NRROS: variants seen among roughly 807,000 people sequenced by gnomAD.
The protein encoded by NRROS is negative regulator of reactive oxygen species.
In NRROS, 6 loss-of-function variants were observed where a neutral mutation model predicts 12.0. That is an observed-to-expected ratio of 0.50 (90% CI 0.27 to 0.98). The LOEUF (loss-of-function observed/expected upper bound fraction) is 0.98. NRROS is among the 50% of genes least tolerant of loss of function. NRROS has a pLI of 0.11. For synonymous variants in NRROS, 462 were observed against 410.2 expected, an observed-to-expected ratio of 1.13 and a Z score of -1.53; for missense variants, 857 against 888.2, an observed-to-expected ratio of 0.96 and a Z score of 0.45.
At chr3:196,648,702 G>A (rs1170863211) in intron 1 of NRROS, among the ~76,000 whole-genome samples, 2 of 136,468 alleles carry the variant, frequency 1.5e-5, no homozygotes. Flanking sequence ...GGAGGCGGAG[G>A]TTGCAATGAG....
At position 196,654,994 on chromosome 3, in the gene NRROS, T is replaced by C. The variant is rs1737508528; in HGVS notation, c.108+347T>C. On this transcript the variant is annotated intron_variant, in intron 2 of 2. Coordinates refer to ENST00000328557, the MANE Select transcript of NRROS (RefSeq NM_198565.3). This position sits in a 1 kb window ranked among gnomAD's most constrained non-coding sequence, Gnocchi z 4.4. ...GCTCAGGCCTGTAATCCCAGCACTT[T>C]AGGAGGCCGAGGCAGGCAGATCACT... The C allele has an allele frequency of 4.8e-6, 1 of 209,396 alleles. No individual in the cohort carries two copies. The highest frequency in any genetic ancestry group is 5.2e-5 in the Admixed American group (1 of 19,048). 13.0% of individuals were successfully genotyped at this position (209,396 alleles called of 1,614,324 possible). A position where few individuals can be genotyped will look rare whatever the true frequency, so the allele number is the denominator to read the frequency against.
rs776701164 is a variant in NRROS, at chr3:196,659,812, C to T, written c.169C>T (p.Pro57Ser). 17 of 1,613,830 alleles carry T rather than the reference C, an allele frequency of 1.1e-5. No individual in the cohort carries two copies. Among genetic ancestry groups the T allele is most frequent in the Non-Finnish European group, 1.0e-5 (12 of 1,179,928 alleles). ...CGCTTCGGTGCCCAGCAGCCTCCCG[C>T]CCCACGCCCGGATGCTCACCCTGGA... ...SLASVPSSLP[P>S]HARMLTLDAN... The change falls in exon 3 of 3, where the codon CCC (proline) becomes TCC (serine). Residue 57 changes from proline to serine, a missense_variant. Physicochemically the swap from Pro to Ser is moderately conservative, Grantham distance 74. Transcript: ENST00000328557.
rs866581524 is a variant in NRROS at position 196,654,503 on chromosome 3, C to T, written c.-13-24C>T. ...TCTGGGATGTCCTTCTCTGACTTAC[C>T]TCTTCCCTGCTCTCTGTCCACAGGG... On this transcript the variant is annotated intron_variant, in intron 1 of 2. Coordinates refer to ENST00000328557, the MANE Select transcript of NRROS (RefSeq NM_198565.3). The surrounding 1 kb of genome is among the most constrained non-coding windows in gnomAD (Gnocchi z 4.4). The T allele has an allele frequency of 7.2e-7, 1 of 1,387,312 alleles. No individual in the cohort carries two copies. The highest frequency in any genetic ancestry group is 1.8e-4 in the Middle Eastern group (1 of 5,636). The allele number at this position is 1,387,312 out of a possible 1,614,324, so 85.9% of individuals were successfully genotyped here.
Position 196,659,914 on chromosome 3 carries a change from T to C in NRROS, c.271T>C (p.Cys91Arg). Residue 91 changes from cysteine (C) to arginine (R), a missense_variant, in exon 3 of 3, where the codon TGC (cysteine) becomes CGC (arginine). Coordinates refer to ENST00000328557, the MANE Select transcript of NRROS (RefSeq NM_198565.3). ...CCTGGAGAGCCTCAGCCTGCACAGCTGCCACCTGGAGCGCATCAGCCGCGG... is the reference window on the plus strand; with the variant it reads ...CCTGGAGAGCCTCAGCCTGCACAGCCGCCACCTGGAGCGCATCAGCCGCGG... Reference protein sequence around the residue: ...PLLESLSLHSCHLERISRGAF... With the variant: ...PLLESLSLHSRHLERISRGAF... The C allele has an allele frequency of 6.2e-7, 1 of 1,614,120 alleles. No individual in the cohort carries two copies. The highest frequency in any genetic ancestry group is 8.5e-7 in the Non-Finnish European group (1 of 1,180,000).
chr3:196,658,037 G>A (rs918304757), intron 2 of NRROS, among the ~76,000 whole-genome samples: 3 of 152,152 alleles, frequency 2.0e-5, no homozygotes, highest in African/African-American at 7.2e-5. Context: ...TTTCGGTTCC[G>A]TAACCATCCA....
Position 196,659,701 on chromosome 3 carries a change from A to T in NRROS, c.109-51A>T, listed in dbSNP as rs749424258. On this transcript the variant is annotated intron_variant, in intron 2 of 2. Coordinates refer to ENST00000328557, the MANE Select transcript of NRROS (RefSeq NM_198565.3). ...AAGTGAACTAAGTTTCTATGCATAA[A>T]TGCTTGCCTCTGGGCCTCCTCGCTG... is the stretch of plus-strand genomic sequence containing the variant. 2.6e-6 allele frequency: 4 copies of T among 1,551,154 alleles called. 1 individual carries two copies. In the South Asian group the frequency reaches 4.9e-5, roughly 19 times the overall value.
At chr3:196,658,600 GGCAACCACTGCCCTTGTATTACT>G (rs1737585593) in intron 2 of NRROS, among the ~76,000 whole-genome samples, 1 of 152,126 alleles carries the variant, frequency 6.6e-6, no homozygotes, top group South Asian at 2.1e-4. Flanking sequence ...CACAATTGTA[GGCAACCACTGCCCTTGTATTACT>G]GATAAACTTG....
rs1286817357 is a variant in NRROS at position 196,661,396 on chromosome 3, G to A, written c.1753G>A (p.Gly585Ser). Reference protein sequence around the residue: ...QKAVSEQLSRGLRTIYLSQNP... With the variant: ...QKAVSEQLSRSLRTIYLSQNP... Reference sequence around the variant, plus strand: ...GGCTGTGTCTGAGCAGCTCTCGAGAGGTCTGCGGACCATCTACCTCAGTCA... The same window carrying A: ...GGCTGTGTCTGAGCAGCTCTCGAGAAGTCTGCGGACCATCTACCTCAGTCA... Residue 585 changes from glycine to serine, a missense_variant, in exon 3 of 3, where the codon GGT becomes AGT. Gly to Ser is a moderately conservative substitution (Grantham distance 56, BLOSUM62 0). Coordinates refer to ENST00000328557, the MANE Select transcript of NRROS (RefSeq NM_198565.3). The A allele has an allele frequency of 6.4e-7, 1 of 1,571,416 alleles. No homozygotes were observed. Among genetic ancestry groups the A allele is most frequent in the Admixed American group, 1.8e-5 (1 of 56,752 alleles).
intron 1 of NRROS, among the ~76,000 whole-genome samples, chr3:196,652,151 G>A (rs1456582423): frequency 6.6e-6 from 1 of 152,212 alleles, no homozygotes; most frequent in Non-Finnish European, 1.5e-5. Context: ...TGAATGCAGA[G>A]TTTTTAATTG....
intron 1 of NRROS, among the ~76,000 whole-genome samples, chr3:196,653,229 C>T (rs1737466051): frequency 6.6e-6 from 1 of 152,154 alleles, no homozygotes; most frequent in African/African-American, 2.4e-5. Context: ...CTGGTAAATT[C>T]TGCATTGGAG....
chr3:196,661,111 T>G lies in NRROS; in HGVS notation c.1468T>G (p.Leu490Val). Residue 490 changes from leucine (L) to valine (V), a missense_variant, in exon 3 of 3, where the codon TTA (leucine) becomes GTA (valine). By Grantham distance (32) the Leu-to-Val change is conservative (BLOSUM62 1). Transcript: ENST00000328557. ...CPFQGTSLTYLDLSSNWGVLN... is the reference protein window; with the variant it reads ...CPFQGTSLTYVDLSSNWGVLN... ...ATTCCAAGGGACCTCCCTGACCTAC[T>G]TAGACCTCTCAAGCAACTGGGGGGT... 1 of 1,613,910 alleles carries G rather than the reference T, an allele frequency of 6.2e-7. No individual in the cohort carries two copies. Among genetic ancestry groups the G allele is most frequent in the Non-Finnish European group, 8.5e-7 (1 of 1,179,832 alleles).
chr3:196,658,831 G>T (rs7645195), intron 2 of NRROS, among the ~76,000 whole-genome samples: 6 of 152,148 alleles, frequency 3.9e-5, no homozygotes, highest in East Asian at 1.9e-4. Context: ...TTAGCTGGGC[G>T]TGGTGGCATG....
At chr3:196,655,333 G>A (rs1445661910) in intron 2 of NRROS, among the ~76,000 whole-genome samples, 8 of 151,746 alleles carry the variant, frequency 5.3e-5, no homozygotes, top group African/African-American at 7.3e-5. Flanking sequence ...TCAGGAGTTC[G>A]AGACTAGCCT....
intron 1 of NRROS, among the ~76,000 whole-genome samples, chr3:196,647,756 A>G (rs1737339735): frequency 6.6e-6 from 1 of 152,084 alleles, no homozygotes; most frequent in Non-Finnish European, 1.5e-5. Flanking sequence ...ACGGGGTTTC[A>G]CCATGTTGGT....
At position 196,661,104 on chromosome 3, in the gene NRROS, G is replaced by T; in HGVS notation, c.1461G>T (p.Leu487=). 1.2e-6 allele frequency: 2 copies of T among 1,613,860 alleles called. No homozygotes were observed. Among genetic ancestry groups the T allele is most frequent in the Non-Finnish European group, 1.7e-6 (2 of 1,179,790 alleles). Residue 487 remains leucine (L), a synonymous_variant, in exon 3 of 3, where the codon CTG becomes CTT. Transcript: ENST00000328557. Reference sequence around the variant, plus strand: ...ACTGCCCATTCCAAGGGACCTCCCTGACCTACTTAGACCTCTCAAGCAACT... The same window carrying T: ...ACTGCCCATTCCAAGGGACCTCCCTTACCTACTTAGACCTCTCAAGCAACT... ...LPDCPFQGTS[L]TYLDLSSNWG...
chr3:196,652,366 G>C (rs1174517335), intron 1 of NRROS, among the ~76,000 whole-genome samples: 1 of 152,186 alleles, frequency 6.6e-6, no homozygotes, highest in African/African-American at 2.4e-5. Flanking sequence ...TTACAGCCAT[G>C]AAGCCCTTTC....
rs1281957424 is a variant in NRROS, at chr3:196,660,015, G to A, written c.372G>A (p.Thr124=). 3 of 1,613,298 alleles carry A rather than the reference G, an allele frequency of 1.9e-6. No individual in the cohort carries two copies. Among genetic ancestry groups the A allele is most frequent in the Non-Finnish European group, 2.5e-6 (3 of 1,179,926 alleles). Residue 124 remains threonine (T), a synonymous_variant, in exon 3 of 3, where the codon ACG becomes ACA. Coordinates refer to ENST00000328557, the MANE Select transcript of NRROS (RefSeq NM_198565.3). The surrounding 1 kb of genome is among the most constrained non-coding windows in gnomAD (Gnocchi z 7.7). ...DNCLSENYEE[T]AAALHALPGL... ...GCCTCTCAGAGAACTACGAAGAGAC[G>A]GCAGCCGCCCTCCACGCCCTGCCGG... is the stretch of plus-strand genomic sequence containing the variant.
chr3:196,661,312 A>G lies in NRROS; in HGVS notation c.1669A>G (p.Ser557Gly). The change falls in exon 3 of 3, where the codon AGC (serine) becomes GGC (glycine). Residue 557 changes from serine to glycine, a missense_variant. By Grantham distance (56) the Ser-to-Gly change is moderately conservative (BLOSUM62 0). Coordinates refer to ENST00000328557, the MANE Select transcript of NRROS (RefSeq NM_198565.3). ...CLTTFPRFGG[S>G]LALETLDLRR... The stretch of plus-strand genomic sequence containing the variant: ...GACCACCTTCCCAAGGTTTGGGGGC[A>G]GCCTGGCCCTGGAGACCCTGGATCT... 5.0e-6 allele frequency: 8 copies of G among 1,604,976 alleles called. No individual in the cohort carries two copies. Among genetic ancestry groups the G allele is most frequent in the Non-Finnish European group, 6.8e-6 (8 of 1,175,462 alleles).
intron 1 of NRROS, among the ~76,000 whole-genome samples, chr3:196,643,292 C>T (rs1737244235): frequency 2.6e-5 from 4 of 152,148 alleles, no homozygotes; most frequent in Non-Finnish European, 4.4e-5. Context: ...TGTGTCTTTT[C>T]TCACTTTAAT....
Sources: allele counts gnomAD v4.1 joint callset (sites outside exome capture counted in the v4.1 genomes callset), GRCh38; gene constraint gnomAD v4.1.1; non-coding constraint Gnocchi (gnomAD v3.1); transcripts MANE v1.5; gene names NCBI Gene and HGNC (gene_info 2026-07-23, HGNC 2026-07-21).